The following PLCB4 variants were observed in gnomAD, a reference collection of about 807,000 sequenced individuals.
The protein encoded by PLCB4 is 1-phosphatidylinositol 4,5-bisphosphate phosphodiesterase beta-4.
In PLCB4, 77 loss-of-function variants were observed where a neutral mutation model predicts 178.8. The ratio of observed to expected loss-of-function variants is 0.43; its 90% CI spans 0.36 to 0.52. The LOEUF is 0.52. PLCB4 is among the 20% of genes least tolerant of loss of function. PLCB4 has a pLI of 0.00. For missense variants in PLCB4, 1,024 were observed against 1,453.4 expected, an observed-to-expected ratio of 0.70 and a Z score of 4.80; for synonymous variants, 496 against 490.8, an observed-to-expected ratio of 1.01 and a Z score of -0.14.
chr20:9,178,338 A>C (rs146050130), intron 2 of PLCB4, among the ~76,000 whole-genome samples: 3,120 of 152,194 alleles, frequency 0.021, 55 homozygotes, highest in African/African-American at 0.031. Flanking sequence ...TAAATAAATA[A>C]ATAAATAAAA....
intron 30 of PLCB4, 38 bp downstream of exon 30, chr20:9,437,190 C>T: frequency 1.9e-6 from 3 of 1,577,578 alleles, no homozygotes; most frequent in Non-Finnish European, 2.6e-6. Context: ...CTTCTGCACC[C>T]ACCTTAATTA....
At chr20:9,104,612 CT>C (rs2091296640) in intron 2 of PLCB4, among the ~76,000 whole-genome samples, 1 of 152,128 alleles carries the variant, frequency 6.6e-6, no homozygotes, top group African/African-American at 2.4e-5. Context: ...CAAAATTAGT[CT>C]TGCATTCAGA....
At chr20:9,458,325 ACTCT>A (rs752453902) in intron 34 of PLCB4, among the ~76,000 whole-genome samples, 20 of 151,946 alleles carry the variant, frequency 1.3e-4, no homozygotes, top group African/African-American at 3.9e-4. Context: ...GTTATTCCCC[ACTCT>A]CTCTCTTCTT....
At chr20:9,216,072 G>A (rs1312373281) in intron 2 of PLCB4, among the ~76,000 whole-genome samples, 2 of 152,052 alleles carry the variant, frequency 1.3e-5, no homozygotes, top group African/African-American at 2.4e-5. Context: ...TACATAGATC[G>A]TGACCTTCAC....
At chr20:9,205,308 G>A (rs1410947219) in intron 2 of PLCB4, among the ~76,000 whole-genome samples, 1 of 152,142 alleles carries the variant, frequency 6.6e-6, no homozygotes, top group Non-Finnish European at 1.5e-5. Context: ...TTTAAGGTAG[G>A]CTGGGCTAAG....
At chr20:9,416,804 A>G (rs895046734) in intron 25 of PLCB4, among the ~76,000 whole-genome samples, 9 of 152,190 alleles carry the variant, frequency 5.9e-5, no homozygotes, top group African/African-American at 2.2e-4. Context: ...AAATGTCTAT[A>G]TTCTTGATAA....
chr20:9,463,593 C>CAAAAAAAAAAAAAAAA (rs145361980), intron 35 of PLCB4, among the ~76,000 whole-genome samples: 2 of 49,692 alleles, frequency 4.0e-5, no homozygotes, highest in Non-Finnish European at 7.3e-5. Flanking sequence ...AAATGGAAAG[C>CAAAAAAAAAAAAAAAA]AAAAAAAAAA....
At chr20:9,386,651 A>T in intron 14 of PLCB4, among the ~76,000 whole-genome samples, 1 of 151,846 alleles carries the variant, frequency 6.6e-6, no homozygotes, top group Non-Finnish European at 1.5e-5. Context: ...TAATTTTTTT[A>T]ATTTATTTTA....
At chr20:9,237,064 AAG>A (rs1381288394) in intron 3 of PLCB4, among the ~76,000 whole-genome samples, 10 of 152,208 alleles carry the variant, frequency 6.6e-5, no homozygotes, top group Non-Finnish European at 1.2e-4. Context: ...CACAGGTCTT[AAG>A]AGAGAATGAA....
chr20:9,403,395 C>A (rs2039189017), intron 20 of PLCB4, among the ~76,000 whole-genome samples: 1 of 151,984 alleles, frequency 6.6e-6, no homozygotes, highest in African/African-American at 2.4e-5. Flanking sequence ...TAGGCAGTGA[C>A]ACCAAGAAAA....
chr20:9,361,989 T>C (rs2035378465), intron 7 of PLCB4, among the ~76,000 whole-genome samples: 1 of 152,244 alleles, frequency 6.6e-6, no homozygotes, highest in African/African-American at 2.4e-5. Flanking sequence ...ACGTCTATAT[T>C]ACTATCTATT....
chr20:9,388,358 T>C (rs2037853221), intron 15 of PLCB4, among the ~76,000 whole-genome samples: 1 of 152,176 alleles, frequency 6.6e-6, no homozygotes, highest in Admixed American at 6.5e-5. Context: ...AGGATAGATA[T>C]TACAACACCA....
chr20:9,415,163 T>C (rs1307962909), intron 25 of PLCB4, among the ~76,000 whole-genome samples: 1 of 152,252 alleles, frequency 6.6e-6, no homozygotes, highest in Non-Finnish European at 1.5e-5. Context: ...TTTATGTTTA[T>C]TGGCTATTTG....
At chr20:9,392,356 C>A (rs979117525) in intron 17 of PLCB4, among the ~76,000 whole-genome samples, 2 of 152,062 alleles carry the variant, frequency 1.3e-5, no homozygotes, top group Admixed American at 6.5e-5. Context: ...GTTTAAATAC[C>A]CTCTAGAGGT....
chr20:9,409,714 T>C (rs2039718916), intron 24 of PLCB4, among the ~76,000 whole-genome samples: 2 of 152,164 alleles, frequency 1.3e-5, no homozygotes, highest in African/African-American at 4.8e-5. Context: ...AATCTATAAC[T>C]TGGTCCTCCA....
At chr20:9,115,618 C>T (rs1476327505) in intron 2 of PLCB4, among the ~76,000 whole-genome samples, 1 of 139,004 alleles carries the variant, frequency 7.2e-6, no homozygotes, top group Admixed American at 7.8e-5. Context: ...GTGATGTTCC[C>T]CTTCCTGTGT....
chr20:9,383,436 G>T (rs1271555986), intron 13 of PLCB4, among the ~76,000 whole-genome samples: 1 of 152,166 alleles, frequency 6.6e-6, no homozygotes, highest in African/African-American at 2.4e-5. Context: ...TTCATAACTT[G>T]CAAGTTCTTA....
intron 30 of PLCB4, among the ~76,000 whole-genome samples, chr20:9,443,612 A>G (rs1429278513): frequency 6.6e-6 from 1 of 152,114 alleles, no homozygotes; most frequent in African/African-American, 2.4e-5. Context: ...TTTGTACTGA[A>G]GAGCTCCCTG....
intron 2 of PLCB4, among the ~76,000 whole-genome samples, chr20:9,184,756 C>T (rs985596708): frequency 2.6e-5 from 4 of 151,966 alleles, no homozygotes; most frequent in African/African-American, 9.7e-5. Context: ...ATATAACACA[C>T]GCATCTAGGA....
Sources: allele counts gnomAD v4.1 joint callset (sites outside exome capture counted in the v4.1 genomes callset), GRCh38; gene constraint gnomAD v4.1.1; transcripts MANE v1.5; gene names NCBI Gene and HGNC (gene_info 2026-07-23, HGNC 2026-07-21).